The following STARD13 variants were observed in gnomAD, a reference collection of about 807,000 sequenced individuals.
STARD13 encodes StAR related lipid transfer domain containing 13, also known as stAR-related lipid transfer protein 13.
Under a neutral mutation model 106.4 loss-of-function variants are expected in STARD13, and 62 were observed. The observed-to-expected ratio is 0.58, with a 90% CI of 0.48 to 0.72. STARD13 has a LOEUF of 0.72. Ranked by LOEUF, STARD13 falls within the 30% of genes least tolerant of loss-of-function variation. The pLI, the probability that STARD13 is intolerant of heterozygous loss-of-function variation, is 0.00. For synonymous variants in STARD13, 565 were observed against 553.0 expected (o/e 1.02, Z -0.31); for missense variants, 1,387 against 1,424.0 (o/e 0.97, Z 0.42).
At chr13:33,555,800 T>C in the STARD13 span, among the ~76,000 whole-genome samples, 17 of 152,350 alleles carry the variant, frequency 1.1e-4, no homozygotes, top group African/African-American at 3.8e-4. Context: ...ATCAGAATTA[T>C]GAGAATCACA....
chr13:33,305,628 T>C (rs1017467157), intron 1 of STARD13, among the ~76,000 whole-genome samples: 3 of 152,224 alleles, frequency 2.0e-5, no homozygotes, highest in African/African-American at 4.8e-5. Flanking sequence ...CAGGGTTCTA[T>C]GGAAACCTGC....
At chr13:33,649,060 TG>T in the STARD13 span, among the ~76,000 whole-genome samples, 4 of 152,178 alleles carry the variant, frequency 2.6e-5, no homozygotes, top group African/African-American at 9.6e-5. Context: ...CCCAAAGTGC[TG>T]GGATTACAGG....
chr13:33,282,405 A>T (rs1891833962), intron 1 of STARD13, among the ~76,000 whole-genome samples: 1 of 152,182 alleles, frequency 6.6e-6, no homozygotes. Context: ...TCTATGCATC[A>T]TCAAAGATTC....
intron 4 of STARD13, among the ~76,000 whole-genome samples, 193 bp downstream of exon 4, chr13:33,142,117 C>T (rs1404274954): frequency 6.6e-6 from 1 of 152,162 alleles, no homozygotes; most frequent in African/African-American, 2.4e-5. Context: ...CAGCCTCAAC[C>T]TTCTGGGTTC....
At position 33,130,363 on chromosome 13, in the gene STARD13, AG is replaced by A; in HGVS notation, c.388-75del. 2 of 1,473,722 alleles carry A rather than the reference AG, an allele frequency of 1.4e-6. No homozygotes were observed. Among genetic ancestry groups the A allele is most frequent in the Non-Finnish European group, 9.2e-7 (1 of 1,088,328 alleles). The allele number at this position is 1,473,722 out of a possible 1,614,324, so 91.3% of individuals were successfully genotyped here. The stretch of plus-strand genomic sequence containing the variant: ...CAGGAACTCTGGGTGCTCTGAGGGC[AG>A]CCCTGTGTGGTCCTCCACCTCCCTC... On this transcript the variant is annotated intron_variant, in intron 4 of 13. Coordinates refer to ENST00000336934, the MANE Select transcript of STARD13 (RefSeq NM_178006.4). The surrounding 1 kb of genome is among the most constrained non-coding windows in gnomAD (Gnocchi z 4.1).
intron 8 of STARD13, 54 bp downstream of exon 8, chr13:33,118,011 T>G (rs753900910): frequency 3.5e-5 from 57 of 1,607,180 alleles, no homozygotes; most frequent in Non-Finnish European, 4.7e-5. Flanking sequence ...GGAATTATTT[T>G]CATTAAAGTG....
intron 1 of STARD13, among the ~76,000 whole-genome samples, chr13:33,190,109 T>C (rs1056243564): frequency 6.6e-5 from 10 of 151,958 alleles, no homozygotes; most frequent in African/African-American, 2.2e-4. Flanking sequence ...GAATACCAAT[T>C]TGGGCTTTAT....
the STARD13 span, among the ~76,000 whole-genome samples, chr13:33,401,845 C>T: frequency 6.6e-6 from 1 of 152,148 alleles, no homozygotes; most frequent in Non-Finnish European, 1.5e-5. Context: ...ATATTTTTTC[C>T]CATTAAACTT....
In STARD13 at chr13:33,112,636, T is replaced by TATCC. The variant is rs575663609; in HGVS notation, c.2492+81_2492+84dup. On this transcript the variant is annotated intron_variant, in intron 9 of 13. Coordinates refer to ENST00000336934, the MANE Select transcript of STARD13 (RefSeq NM_178006.4). The stretch of plus-strand genomic sequence containing the variant: ...ACCAATATATCCATTCGTATCTATC[T>TATCC]ATCCATCCATCCATCCATCCAGTCT... 298 of 1,082,912 alleles carry TATCC rather than the reference T, an allele frequency of 2.8e-4. 1 individual carries two copies. The highest frequency in any genetic ancestry group is 8.5e-4 in the African/African-American group (54 of 63,402). The allele number at this position is 1,082,912 out of a possible 1,614,324, so 67.1% of individuals were successfully genotyped here. A position where few individuals can be genotyped will look rare whatever the true frequency, so the allele number is the denominator to read the frequency against.
chr13:33,246,347 C>T (rs1889822558), intron 1 of STARD13, among the ~76,000 whole-genome samples: 1 of 152,168 alleles, frequency 6.6e-6, no homozygotes, highest in Non-Finnish European at 1.5e-5. Context: ...ACTTTCTATG[C>T]ACCTAATGTA....
chr13:33,438,983 A>G, the STARD13 span, among the ~76,000 whole-genome samples: 366 of 152,364 alleles, frequency 2.4e-3, no homozygotes, highest in African/African-American at 8.5e-3. Context: ...GCAATACGCT[A>G]TCTACAAGAT....
chr13:33,301,470 G>A (rs1056503509), intron 1 of STARD13, among the ~76,000 whole-genome samples: 4 of 151,930 alleles, frequency 2.6e-5, no homozygotes, highest in South Asian at 2.1e-4. Context: ...GGGGGCTAAC[G>A]TATGAAGACT....
chr13:33,110,643 T>C (rs1462687318), intron 11 of STARD13, 43 bp downstream of exon 11: 1 of 1,530,476 alleles, frequency 6.5e-7, no homozygotes, highest in African/African-American at 1.4e-5. Context: ...GATTGTTAGC[T>C]GTGGCTTTCT....
At chr13:33,308,520 C>CTTTTTTTTTTTTT (rs552526416) in intron 1 of STARD13, among the ~76,000 whole-genome samples, 78 of 88,578 alleles carry the variant, frequency 8.8e-4, no homozygotes, top group Non-Finnish European at 1.0e-3. Flanking sequence ...CTTTTTCTTT[C>CTTTTTTTTTTTTT]TTTTTTTTTT....
chr13:33,249,585 A>T (rs1889994061), intron 1 of STARD13, among the ~76,000 whole-genome samples: 1 of 152,206 alleles, frequency 6.6e-6, no homozygotes, highest in South Asian at 2.1e-4. Flanking sequence ...CGTACAATGC[A>T]GATATTAGTA....
intron 3 of STARD13, among the ~76,000 whole-genome samples, chr13:33,163,660 TATATATATAAC>T (rs1341917077): frequency 2.0e-5 from 2 of 100,458 alleles, no homozygotes; most frequent in Non-Finnish European, 3.6e-5. Context: ...ATATAAAACA[TATATATATAAC>T]ATATATATAA....
the STARD13 span, among the ~76,000 whole-genome samples, chr13:33,616,807 T>G: frequency 6.6e-6 from 1 of 152,252 alleles, no homozygotes; most frequent in South Asian, 2.1e-4. Flanking sequence ...AAAAATAGTC[T>G]TTATTTTAAT....
chr13:33,505,844 T>C, the STARD13 span, among the ~76,000 whole-genome samples: 1 of 152,158 alleles, frequency 6.6e-6, no homozygotes, highest in Non-Finnish European at 1.5e-5. Flanking sequence ...GCTATAGTTG[T>C]CAAAGTGTGG....
chr13:33,521,220 A>G, the STARD13 span, among the ~76,000 whole-genome samples: 1 of 152,176 alleles, frequency 6.6e-6, no homozygotes, highest in African/African-American at 2.4e-5. Flanking sequence ...AATTTTACAC[A>G]TCAGGTAATT....
Sources: gnomAD v4.1 joint callset for allele counts (sites outside exome capture counted in the v4.1 genomes callset) on GRCh38, gnomAD v4.1.1 for gene constraint, Gnocchi (gnomAD v3.1) non-coding constraint, MANE v1.5 for transcripts, NCBI Gene and HGNC (gene_info 2026-07-23, HGNC 2026-07-21) for gene names.